The following PRCC variants were observed in gnomAD, a reference collection of about 807,000 sequenced individuals.
The protein encoded by PRCC is proline rich mitotic checkpoint control factor.
Under a neutral mutation model 44.0 loss-of-function variants are expected in PRCC, and 10 were observed. The ratio of observed to expected loss-of-function variants is 0.23; its 90% CI spans 0.14 to 0.39. The LOEUF is 0.39. Ranked by LOEUF, PRCC falls within the 10% of genes least tolerant of loss-of-function variation. The pLI is 1.00. For missense variants in PRCC, 573 were observed against 624.7 expected (o/e 0.92, Z 0.88); for synonymous variants, 278 against 259.5 (o/e 1.07, Z -0.69).
At chr1:156,793,893 C>G (rs377269179) in intron 4 of PRCC, among the ~76,000 whole-genome samples, 1 of 151,250 alleles carries the variant, frequency 6.6e-6, no homozygotes, top group Non-Finnish European at 1.5e-5. Flanking sequence ...TCCCAAAATG[C>G]TGGTATTATA....
Position 156,767,993 on chromosome 1 carries a change from C to T in PRCC, c.222C>T (p.Asp74=). ...PPLLLPPPTG[D]PRLQPPPPLP... ...TGTTGCTTCCCCCACCCACCGGAGA[C>T]CCCAGGCTTCAGCCTCCTCCCCCCT... Residue 74 remains aspartate, a synonymous_variant, in exon 1 of 7, where the codon GAC becomes GAT. Transcript: ENST00000271526. The T allele has an allele frequency of 6.3e-7, 1 of 1,575,096 alleles. No individual in the cohort carries two copies. Among genetic ancestry groups the T allele is most frequent in the Non-Finnish European group, 8.6e-7 (1 of 1,159,166 alleles).
In PRCC at chr1:156,800,760, CT is replaced by C. The variant is rs879067524; in HGVS notation, c.*312del. ...AAATGTTGAACCCTCCCCACCACCA[CT>C]TTTTTTTTTTTAAACCAGGGATGTC... On this transcript the variant is annotated 3_prime_UTR_variant, in exon 7 of 7. Transcript: ENST00000271526. The C allele has an allele frequency of 0.06, 14,621 of 245,238 alleles. No individual in the cohort carries two copies. The highest frequency in any genetic ancestry group is 0.096 in the East Asian group (1,401 of 14,564). The allele number at this position is 245,238 out of a possible 1,614,324, so 15.2% of individuals were successfully genotyped here. A position where few individuals can be genotyped will look rare whatever the true frequency, so the allele number is the denominator to read the frequency against.
At chr1:156,793,320 CT>C (rs1652554842) in intron 4 of PRCC, among the ~76,000 whole-genome samples, 1 of 152,134 alleles carries the variant, frequency 6.6e-6, no homozygotes. Flanking sequence ...TATAGAAGGC[CT>C]CACTAATGTT....
In PRCC at chr1:156,790,994, T is replaced by C. The variant is rs1652451936; in HGVS notation, c.1084-703T>C. The C allele has an allele frequency of 8.8e-6, 7 of 797,362 alleles. No individual in the cohort carries two copies. The Admixed American group carries it at 1.6e-4, about 18-fold the overall frequency. 49.4% of individuals were successfully genotyped at this position (797,362 alleles called of 1,614,324 possible). On this transcript the variant is annotated intron_variant, in intron 3 of 6. Transcript: ENST00000271526. ...AAAGTATAGGCAAGGAGGAAACAGT[T>C]TATTGGCCCTGTGGCTGCCTGACTT...
At chr1:156,783,078 A>C (rs1323413322) in intron 2 of PRCC, among the ~76,000 whole-genome samples, 1 of 151,952 alleles carries the variant, frequency 6.6e-6, no homozygotes, top group Non-Finnish European at 1.5e-5. Flanking sequence ...CTAATTTTGT[A>C]TTTTAAGTAG....
chr1:156,775,003 C>T (rs1651769811), intron 1 of PRCC, among the ~76,000 whole-genome samples: 1 of 150,540 alleles, frequency 6.6e-6, no homozygotes, highest in Non-Finnish European at 1.5e-5. Context: ...AATCCCAGCA[C>T]TTTGGGAGGC....
intron 1 of PRCC, among the ~76,000 whole-genome samples, chr1:156,775,396 C>T (rs1571574878): frequency 6.6e-6 from 1 of 151,218 alleles, no homozygotes; most frequent in East Asian, 1.9e-4. Context: ...TGTTGCCCAG[C>T]CTGGAGTGTA....
intron 1 of PRCC, among the ~76,000 whole-genome samples, chr1:156,776,778 T>C (rs1267093996): frequency 6.6e-6 from 1 of 152,192 alleles, no homozygotes; most frequent in Non-Finnish European, 1.5e-5. Flanking sequence ...TTAAACGTAT[T>C]TGGGGAATCC....
At chr1:156,788,623 A>G (rs897270340) in intron 3 of PRCC, among the ~76,000 whole-genome samples, 1 of 148,862 alleles carries the variant, frequency 6.7e-6, no homozygotes, top group Admixed American at 6.7e-5. Context: ...TCCGCAGTGT[A>G]TAAGTGTTCT....
intron 6 of PRCC, among the ~76,000 whole-genome samples, chr1:156,799,981 C>G (rs1652783320): frequency 6.6e-6 from 1 of 152,182 alleles, no homozygotes. Context: ...GCCTTTGAGA[C>G]TGTCCTCTCC....
chr1:156,779,155 T>C (rs1331150467), intron 1 of PRCC, among the ~76,000 whole-genome samples: 8 of 81,252 alleles, frequency 9.8e-5, no homozygotes, highest in Non-Finnish European at 1.5e-4. Flanking sequence ...TTTTTTTTTT[T>C]TTTTCTTTTT....
At chr1:156,785,629 GC>G (rs11311517) in intron 2 of PRCC, among the ~76,000 whole-genome samples, 14,947 of 151,898 alleles carry the variant, frequency 0.098, 911 homozygotes, top group African/African-American at 0.17. Flanking sequence ...TGTTTCCTTT[GC>G]TTTGGGGATG....
At chr1:156,775,571 T>A (rs1157656347) in intron 1 of PRCC, among the ~76,000 whole-genome samples, 1 of 149,750 alleles carries the variant, frequency 6.7e-6, no homozygotes, top group Non-Finnish European at 1.5e-5. Flanking sequence ...AGTGCAGTGG[T>A]GCAATCTCAG....
At chr1:156,776,500 A>G (rs1229097684) in intron 1 of PRCC, among the ~76,000 whole-genome samples, 2 of 152,082 alleles carry the variant, frequency 1.3e-5, no homozygotes, top group Non-Finnish European at 2.9e-5. Context: ...TTTAAACTAT[A>G]AACTCAGGTT....
chr1:156,787,446 GATTGATATATATATAT>G lies in PRCC; in HGVS notation c.1083+275_1083+290del, dbSNP rs1373187610. ...ATCCATAATATTTGTACATATTTGTGATTGATATATATATATATATATATATATATATATATATATA... is the reference window on the plus strand; with the variant it reads ...ATCCATAATATTTGTACATATTTGTGATATATATATATATATATATATATA... On this transcript the variant is annotated intron_variant, in intron 3 of 6. Transcript: ENST00000271526. Among the ~76,000 whole-genome samples, 114 of 111,790 alleles carry G rather than the reference GATTGATATATATATAT, an allele frequency of 1.0e-3. 1 individual carries two copies. Among genetic ancestry groups the G allele is most frequent in the South Asian group, 7.6e-3 (27 of 3,568 alleles). The allele number at this position is 111,790 out of a possible 152,430, so 73.3% of individuals were successfully genotyped here. A position where few individuals can be genotyped will look rare whatever the true frequency, so the allele number is the denominator to read the frequency against.
At chr1:156,791,422 G>A (rs1256379576) in intron 3 of PRCC, 2 of 496,678 alleles carry the variant, frequency 4.0e-6, no homozygotes, top group Non-Finnish European at 7.3e-6. Context: ...GGTATAGATT[G>A]AAGCAGGAGA....
chr1:156,800,579 C>G lies in PRCC; in HGVS notation c.*119C>G. On this transcript the variant is annotated 3_prime_UTR_variant, in exon 7 of 7. Coordinates refer to ENST00000271526, the MANE Select transcript of PRCC (RefSeq NM_005973.5). ...GATCTCTTTCCCCAAGGACCCAGCC[C>G]TCGCCTCTGCGAGAATGAACATATT... The G allele has an allele frequency of 1.0e-6, 1 of 967,164 alleles. No individual in the cohort carries two copies. Among genetic ancestry groups the G allele is most frequent in the Non-Finnish European group, 1.6e-6 (1 of 622,782 alleles). 59.9% of individuals were successfully genotyped at this position (967,164 alleles called of 1,614,324 possible). A position where few individuals can be genotyped will look rare whatever the true frequency, so the allele number is the denominator to read the frequency against.
chr1:156,797,386 A>G, intron 6 of PRCC, 45 bp downstream of exon 6: 1 of 1,609,942 alleles, frequency 6.2e-7, no homozygotes, highest in Non-Finnish European at 8.5e-7. Context: ...ATCTCTGTAA[A>G]TCTGGGAATT....
chr1:156,770,082 C>T (rs768335381), intron 1 of PRCC, among the ~76,000 whole-genome samples: 5 of 152,194 alleles, frequency 3.3e-5, no homozygotes, highest in Admixed American at 1.3e-4. Context: ...ACATGGAAAG[C>T]TCATTTCTAG....
Sources: allele counts gnomAD v4.1 joint callset (sites outside exome capture counted in the v4.1 genomes callset), GRCh38; gene constraint gnomAD v4.1.1; transcripts MANE v1.5; gene names NCBI Gene and HGNC (gene_info 2026-07-23, HGNC 2026-07-21).